The following DNAAF11 variants were observed in gnomAD, a reference collection of about 807,000 sequenced individuals.
DNAAF11 encodes leucine rich repeat containing 6.
Under a neutral mutation model 60.8 loss-of-function variants are expected in DNAAF11, and 45 were observed. That is an observed-to-expected ratio of 0.74 (90% CI 0.58 to 0.95). DNAAF11 has a LOEUF of 0.95. Among genes scored for constraint, DNAAF11 ranks in the 40% least tolerant of loss-of-function variants. DNAAF11 has a pLI of 0.00. For synonymous variants in DNAAF11, 191 were observed against 183.5 expected (o/e 1.04, Z -0.33); for missense variants, 546 against 546.2 (o/e 1.00, Z 0.00).
At chr8:132,690,897 C>T in the DNAAF11 span, among the ~76,000 whole-genome samples, 2 of 152,070 alleles carry the variant, frequency 1.3e-5, no homozygotes, top group Non-Finnish European at 2.9e-5. Context: ...CATAACATCA[C>T]GGGTATTGGC....
chr8:132,584,841 T>C (rs1018185274), intron 10 of DNAAF11, among the ~76,000 whole-genome samples: 1 of 152,160 alleles, frequency 6.6e-6, no homozygotes, highest in African/African-American at 2.4e-5. Context: ...AGACTAGGCC[T>C]GGACTTCAAG....
At chr8:132,611,783 G>T (rs1818695770) in intron 8 of DNAAF11, among the ~76,000 whole-genome samples, 1 of 152,054 alleles carries the variant, frequency 6.6e-6, no homozygotes. Context: ...CAGCTGTTCT[G>T]CAGCTGCCCT....
At chr8:132,601,234 C>T (rs1817578152) in intron 10 of DNAAF11, among the ~76,000 whole-genome samples, 1 of 152,184 alleles carries the variant, frequency 6.6e-6, no homozygotes, top group Non-Finnish European at 1.5e-5. Flanking sequence ...TCCCATCTCA[C>T]ACCAGTTAGA....
upstream of DNAAF11, among the ~76,000 whole-genome samples, chr8:132,678,887 T>G (rs970221073): frequency 2.6e-5 from 4 of 152,152 alleles, no homozygotes; most frequent in African/African-American, 4.8e-5. Context: ...CCTTGGATTT[T>G]TCCTGTGAAA....
upstream of DNAAF11, among the ~76,000 whole-genome samples, chr8:132,677,349 G>A (rs1050624024): frequency 6.6e-6 from 1 of 152,064 alleles, no homozygotes; most frequent in African/African-American, 2.4e-5. Context: ...CTACTATAAA[G>A]GATCTCAGCT....
rs1362497258 is a variant in DNAAF11 at position 132,642,817 on chromosome 8, C to T, written c.257-4710G>A. 2.0e-5 allele frequency among the ~76,000 whole-genome samples: 3 copies of T among 152,186 alleles called. No individual in the cohort carries two copies. The East Asian group carries it at 5.8e-4, about 29-fold the overall frequency. ...GGAATTACCAAAGTTTACACAGCTC[C>T]TAAATGGATGAGTTGGGATTTGGAC... On this transcript the variant is annotated intron_variant, in intron 3 of 11. Transcript: ENST00000620350.
intron 3 of DNAAF11, among the ~76,000 whole-genome samples, chr8:132,651,646 A>G (rs1823023485): frequency 6.6e-6 from 1 of 152,212 alleles, no homozygotes; most frequent in Non-Finnish European, 1.5e-5. Context: ...CTCTAGTGGT[A>G]CATAAATAAA....
At chr8:132,582,119 C>G (rs1815403965) in intron 11 of DNAAF11, among the ~76,000 whole-genome samples, 1 of 152,206 alleles carries the variant, frequency 6.6e-6, no homozygotes. Flanking sequence ...CTGCCTGACC[C>G]CAGTCCCTGT....
the DNAAF11 span, among the ~76,000 whole-genome samples, chr8:132,685,358 A>G: frequency 1.3e-5 from 2 of 152,212 alleles, no homozygotes; most frequent in African/African-American, 4.8e-5. Flanking sequence ...TTTTAATATA[A>G]TCAACCAAGA....
At chr8:132,619,039 G>C (rs1380101290) in intron 7 of DNAAF11, among the ~76,000 whole-genome samples, 2 of 152,020 alleles carry the variant, frequency 1.3e-5, no homozygotes, top group African/African-American at 2.4e-5. Context: ...CAAAGACTTG[G>C]AACCAACCCA....
chr8:132,589,355 C>T (rs1816231317), intron 10 of DNAAF11, among the ~76,000 whole-genome samples: 1 of 152,124 alleles, frequency 6.6e-6, no homozygotes. Flanking sequence ...TTTCATGGCA[C>T]TTGGACTTTG....
chr8:132,586,531 T>C (rs1039303456), intron 10 of DNAAF11, among the ~76,000 whole-genome samples: 3 of 152,214 alleles, frequency 2.0e-5, no homozygotes, highest in African/African-American at 7.2e-5. Context: ...AACGACCTTG[T>C]CCATACCAAC....
chr8:132,603,602 G>C (rs923162157), intron 10 of DNAAF11, among the ~76,000 whole-genome samples: 1 of 151,920 alleles, frequency 6.6e-6, no homozygotes, highest in African/African-American at 2.4e-5. Flanking sequence ...GTGGGGGGTG[G>C]GGGTGTGGGG....
intron 10 of DNAAF11, among the ~76,000 whole-genome samples, chr8:132,590,528 AT>A (rs1392859561): frequency 3.9e-5 from 6 of 152,086 alleles, no homozygotes; most frequent in Non-Finnish European, 8.8e-5. Flanking sequence ...TCCCTTATAA[AT>A]CCTGTACTGT....
chr8:132,585,397 A>T (rs1398853365), intron 10 of DNAAF11, among the ~76,000 whole-genome samples: 1 of 152,112 alleles, frequency 6.6e-6, no homozygotes, highest in African/African-American at 2.4e-5. Flanking sequence ...TCCTCTTTCC[A>T]TGGGTCTCAT....
At chr8:132,620,814 C>G (rs189908865) in intron 7 of DNAAF11, among the ~76,000 whole-genome samples, 6 of 152,180 alleles carry the variant, frequency 3.9e-5, no homozygotes, top group Admixed American at 3.9e-4. Flanking sequence ...GTGAGACACT[C>G]AAGGTTAAGT....
chr8:132,635,241 C>A (rs1000177585), intron 4 of DNAAF11, among the ~76,000 whole-genome samples: 2 of 152,148 alleles, frequency 1.3e-5, no homozygotes, highest in Non-Finnish European at 2.9e-5. Context: ...TTAAGCTGAG[C>A]GTTTCTTGAT....
chr8:132,686,293 A>T, the DNAAF11 span, among the ~76,000 whole-genome samples: 20 of 152,152 alleles, frequency 1.3e-4, no homozygotes, highest in Non-Finnish European at 2.9e-5. Flanking sequence ...TTGCTCAAAG[A>T]ACAGAAAAAG....
rs1369740178 is a variant in DNAAF11 at position 132,625,318 on chromosome 8, T to C, written c.790A>G (p.Thr264Ala). Residue 264 changes from threonine to alanine, a missense_variant, in exon 6 of 12, where the codon ACT (threonine) becomes GCT (alanine). Transcript: ENST00000620350. ...CLFTPESRLE[T>A]LRHMEKQRKK... Reference sequence around the variant, plus strand: ...CGTTGTTTTTCCATGTGTCTAAGAGTTTCCAATCTTGATTCAGGAGTAAAC... The same window carrying C: ...CGTTGTTTTTCCATGTGTCTAAGAGCTTCCAATCTTGATTCAGGAGTAAAC... 6.2e-7 allele frequency: 1 copy of C among 1,612,834 alleles called. No individual in the cohort carries two copies. Among genetic ancestry groups the C allele is most frequent in the East Asian group, 2.2e-5 (1 of 44,830 alleles).
Sources: gnomAD v4.1 joint callset for allele counts (sites outside exome capture counted in the v4.1 genomes callset) on GRCh38, gnomAD v4.1.1 for gene constraint, MANE v1.5 for transcripts, NCBI Gene and HGNC (gene_info 2026-07-23, HGNC 2026-07-21) for gene names.